YEATS4: variants seen among roughly 807,000 people sequenced by gnomAD.
YEATS4 encodes YEATS domain containing 4.
YEATS4 carries 17 observed loss-of-function variants against 30.1 expected under a neutral mutation model. The observed-to-expected ratio is 0.56, with a 90% CI of 0.39 to 0.85. YEATS4 has a LOEUF of 0.85. Ranked by LOEUF, YEATS4 falls within the 40% of genes least tolerant of loss-of-function variation. The pLI is 0.00. For synonymous variants in YEATS4, 85 were observed against 87.5 expected, an observed-to-expected ratio of 0.97 and a Z score of 0.16; for missense variants, 142 against 268.3, an observed-to-expected ratio of 0.53 and a Z score of 3.29.
chr12:69,398,935 G>A, the YEATS4 span, among the ~76,000 whole-genome samples: 1 of 151,954 alleles, frequency 6.6e-6, no homozygotes, highest in East Asian at 1.9e-4. Flanking sequence ...TGGATCATGA[G>A]GTCAGGAGAT....
At position 69,390,567 on chromosome 12, in the gene YEATS4, G is replaced by A. The variant is rs1306878150; in HGVS notation, c.*251G>A. ...AGAAAATTCTATGATATTAAGCACA[G>A]TTTTTAAAAATGTTTATTGTAGTAT... is the stretch of plus-strand genomic sequence containing the variant. On this transcript the variant is annotated 3_prime_UTR_variant, in exon 7 of 7. Transcript: ENST00000247843. 4.2e-6 allele frequency: 1 copy of A among 236,380 alleles called. No individual in the cohort carries two copies. Among genetic ancestry groups the A allele is most frequent in the African/African-American group, 2.3e-5 (1 of 44,358 alleles). The allele number at this position is 236,380 out of a possible 1,614,324, so 14.6% of individuals were successfully genotyped here.
intron 1 of YEATS4, among the ~76,000 whole-genome samples, chr12:69,362,507 T>C (rs557243640): frequency 6.6e-6 from 1 of 152,330 alleles, no homozygotes; most frequent in South Asian, 2.1e-4. Flanking sequence ...TTCAGGTGTT[T>C]AAGAAAAGGC....
the YEATS4 span, among the ~76,000 whole-genome samples, chr12:69,407,416 G>A: frequency 6.6e-6 from 1 of 152,082 alleles, no homozygotes; most frequent in Admixed American, 6.5e-5. Context: ...AAATGGGCCT[G>A]TATTTTATGA....
chr12:69,396,050 C>G, the YEATS4 span, among the ~76,000 whole-genome samples: 1 of 152,160 alleles, frequency 6.6e-6, no homozygotes, highest in East Asian at 1.9e-4. Context: ...CAATCCCCAA[C>G]TCTAGGTAGC....
At chr12:69,379,860 G>T (rs1247013868) in intron 6 of YEATS4, among the ~76,000 whole-genome samples, 1 of 151,900 alleles carries the variant, frequency 6.6e-6, no homozygotes, top group Admixed American at 6.6e-5. Context: ...TCTTTGTTCT[G>T]CTTGATCAGT....
At chr12:69,400,069 T>C in the YEATS4 span, among the ~76,000 whole-genome samples, 2 of 152,138 alleles carry the variant, frequency 1.3e-5, no homozygotes, top group African/African-American at 2.4e-5. Flanking sequence ...TTACACAACC[T>C]TGTGAATATA....
chr12:69,384,610 T>C (rs1876203141), intron 6 of YEATS4, among the ~76,000 whole-genome samples: 1 of 152,238 alleles, frequency 6.6e-6, no homozygotes, highest in Non-Finnish European at 1.5e-5. Flanking sequence ...GTTAAAGATA[T>C]TTAAATGTTT....
At chr12:69,362,013 G>GTTTTTGTTTTTTTT (rs1555174243) in intron 1 of YEATS4, among the ~76,000 whole-genome samples, 4 of 69,078 alleles carry the variant, frequency 5.8e-5, no homozygotes, top group South Asian at 5.0e-4. Flanking sequence ...GTGTTTGGTT[G>GTTTTTGTTTTTTTT]TTTTTTTTTT....
chr12:69,372,537 G>GTTTTTTTTTTTTTT (rs71094710), intron 6 of YEATS4, among the ~76,000 whole-genome samples: 5 of 123,034 alleles, frequency 4.1e-5, no homozygotes, highest in Admixed American at 9.1e-5. Context: ...TATCTCATGA[G>GTTTTTTTTTTTTTT]TTTTTTTTTT....
At chr12:69,417,131 C>T in the YEATS4 span, among the ~76,000 whole-genome samples, 1 of 147,564 alleles carries the variant, frequency 6.8e-6, no homozygotes, top group Non-Finnish European at 1.5e-5. Context: ...TCAAGTTGGT[C>T]ATGGCTTAAA....
At chr12:69,392,160 T>C (rs1300097696), downstream of YEATS4, among the ~76,000 whole-genome samples, 1 of 152,226 alleles carries the variant, frequency 6.6e-6, no homozygotes, top group Admixed American at 6.5e-5. Context: ...TCATTCATCA[T>C]TAGGAAAATG....
chr12:69,393,671 T>G (rs562480491), downstream of YEATS4, among the ~76,000 whole-genome samples: 1 of 152,196 alleles, frequency 6.6e-6, no homozygotes, highest in South Asian at 2.1e-4. Flanking sequence ...TGAATGAGTT[T>G]AGGAATCTCT....
At chr12:69,408,540 C>T in the YEATS4 span, among the ~76,000 whole-genome samples, 1 of 152,186 alleles carries the variant, frequency 6.6e-6, no homozygotes, top group Non-Finnish European at 1.5e-5. Flanking sequence ...TGCCAGGTTG[C>T]CCTGTGAAAA....
intron 6 of YEATS4, among the ~76,000 whole-genome samples, chr12:69,383,577 T>G (rs1220046242): frequency 6.6e-6 from 1 of 152,156 alleles, no homozygotes; most frequent in Non-Finnish European, 1.5e-5. Flanking sequence ...TAGGTGCATG[T>G]AATGTCCTCA....
intron 6 of YEATS4, among the ~76,000 whole-genome samples, chr12:69,387,345 A>T (rs1163734690): frequency 1.3e-5 from 2 of 152,256 alleles, no homozygotes; most frequent in African/African-American, 4.8e-5. Flanking sequence ...AACAGACACA[A>T]TGCTAATGGG....
the YEATS4 span, among the ~76,000 whole-genome samples, chr12:69,404,935 G>A: frequency 6.6e-6 from 1 of 152,200 alleles, no homozygotes. Context: ...ACTAGAGCTG[G>A]TACAGCTATG....
At chr12:69,383,212 T>G (rs1021173622) in intron 6 of YEATS4, among the ~76,000 whole-genome samples, 6 of 152,106 alleles carry the variant, frequency 3.9e-5, no homozygotes, top group African/African-American at 1.4e-4. Flanking sequence ...TTTAATGAGC[T>G]GTTGTCATGT....
At chr12:69,402,560 T>C in the YEATS4 span, among the ~76,000 whole-genome samples, 1 of 152,174 alleles carries the variant, frequency 6.6e-6, no homozygotes, top group East Asian at 1.9e-4. Context: ...TTATGGTCTC[T>C]GTCGTAGATC....
rs1454670474 is a variant in YEATS4, at chr12:69,363,380, G to C, written c.171+473G>C. On this transcript the variant is annotated intron_variant, in intron 2 of 6. Coordinates refer to ENST00000247843, the MANE Select transcript of YEATS4 (RefSeq NM_006530.4). The stretch of plus-strand genomic sequence containing the variant: ...GTCAAAAAGTTTTTGAAAAAATAGA[G>C]AACTGTCATCTTCATATGATACTAG... 2.6e-5 allele frequency among the ~76,000 whole-genome samples: 4 copies of C among 152,198 alleles called. No homozygotes were observed. The South Asian group carries it at 8.3e-4, about 32-fold the overall frequency.
Sources: gnomAD v4.1 joint callset for allele counts (sites outside exome capture counted in the v4.1 genomes callset) on GRCh38, gnomAD v4.1.1 for gene constraint, MANE v1.5 for transcripts, NCBI Gene and HGNC (gene_info 2026-07-23, HGNC 2026-07-21) for gene names.